Variants in ACTR3B observed in about 807,000 individuals in gnomAD.
ACTR3B encodes actin related protein 3B.
A neutral mutation model predicts 59.0 loss-of-function variants in ACTR3B; 8 were observed. The observed-to-expected ratio is 0.14, with a 90% CI of 0.08 to 0.24. ACTR3B has a LOEUF of 0.24. Ranked by LOEUF, ACTR3B falls within the 10% of genes least tolerant of loss-of-function variation. The pLI is 1.00. For synonymous variants in ACTR3B, 148 were observed against 197.9 expected, an observed-to-expected ratio of 0.75 and a Z score of 2.12; for missense variants, 245 against 552.3, an observed-to-expected ratio of 0.44 and a Z score of 5.58.
intron 2 of ACTR3B, among the ~76,000 whole-genome samples, chr7:152,793,138 G>T (rs1368523462): frequency 1.6e-5 from 2 of 127,898 alleles, no homozygotes; most frequent in Non-Finnish European, 3.3e-5. Flanking sequence ...GGTTTGTTCA[G>T]TATTGAATCT....
intron 9 of ACTR3B, among the ~76,000 whole-genome samples, chr7:152,830,037 G>C (rs1385124337): frequency 3.9e-5 from 6 of 152,230 alleles, no homozygotes; most frequent in Non-Finnish European, 7.3e-5. Context: ...ACCACTACAA[G>C]CTAAATGTCA....
At chr7:152,828,474 T>TGTAA (rs1796757992) in intron 9 of ACTR3B, among the ~76,000 whole-genome samples, 1 of 152,172 alleles carries the variant, frequency 6.6e-6, no homozygotes, top group South Asian at 2.1e-4. Context: ...CGCTCCCTTC[T>TGTAA]GTAACTCCTG....
At chr7:152,774,960 A>C (rs4726203) in intron 1 of ACTR3B, among the ~76,000 whole-genome samples, 75,397 of 149,622 alleles carry the variant, frequency 0.5, 19,565 homozygotes, top group Non-Finnish European at 0.55. Context: ...TAGAGCTATT[A>C]TGATTGAAGT....
chr7:152,763,142 C>G (rs1426862510), intron 1 of ACTR3B, among the ~76,000 whole-genome samples: 3 of 151,484 alleles, frequency 2.0e-5, no homozygotes, highest in Non-Finnish European at 4.4e-5. Flanking sequence ...ATGGTGAAAC[C>G]CCGTCTCTAC....
At chr7:152,836,265 A>G (rs1005000986) in intron 9 of ACTR3B, among the ~76,000 whole-genome samples, 1 of 152,196 alleles carries the variant, frequency 6.6e-6, no homozygotes, top group African/African-American at 2.4e-5. Flanking sequence ...TTAAACTGCG[A>G]AAGTAAACAA....
chr7:152,841,856 C>T (rs1241538021), intron 9 of ACTR3B, among the ~76,000 whole-genome samples: 1 of 152,174 alleles, frequency 6.6e-6, no homozygotes, highest in African/African-American at 2.4e-5. Flanking sequence ...CTTGCCATCA[C>T]TTGGTATTAT....
rs1453801218 is a variant in ACTR3B, at chr7:152,788,702, C to T, written c.100+5460C>T. Among the ~76,000 whole-genome samples the T allele has an allele frequency of 5.3e-5, 8 of 152,144 alleles. No homozygotes were observed. In the East Asian group the frequency reaches 9.8e-4, roughly 19 times the overall value. On this transcript the variant is annotated intron_variant, in intron 2 of 11. Coordinates refer to ENST00000256001, the MANE Select transcript of ACTR3B (RefSeq NM_020445.6). ...CTGGGATTACAGGAGTGAGCCACTGCGCCTGGCCTTAAAGTATTCTTTAAA... is the reference window on the plus strand; with the variant it reads ...CTGGGATTACAGGAGTGAGCCACTGTGCCTGGCCTTAAAGTATTCTTTAAA...
intron 7 of ACTR3B, among the ~76,000 whole-genome samples, chr7:152,822,368 G>T (rs1482090971): frequency 6.6e-6 from 1 of 152,336 alleles, no homozygotes; most frequent in Admixed American, 6.5e-5. Flanking sequence ...GTCACCTGCT[G>T]CTATGCGGAG....
chr7:152,815,839 T>C (rs1242742627), intron 5 of ACTR3B, among the ~76,000 whole-genome samples: 1 of 152,246 alleles, frequency 6.6e-6, no homozygotes, highest in Non-Finnish European at 1.5e-5. Context: ...TGCCAATCTG[T>C]GGCCCCACGC....
chr7:152,802,991 G>A (rs898083865), intron 4 of ACTR3B, among the ~76,000 whole-genome samples: 1 of 152,206 alleles, frequency 6.6e-6, no homozygotes, highest in African/African-American at 2.4e-5. Flanking sequence ...CATTTCACAG[G>A]CCACTCTGTT....
chr7:152,795,031 A>ACT (rs61693626), intron 2 of ACTR3B, among the ~76,000 whole-genome samples: 74,452 of 141,072 alleles, frequency 0.53, 21,311 homozygotes, highest in East Asian at 0.71. Flanking sequence ...CTTCAGTTTC[A>ACT]CTCTCTTTTT....
intron 9 of ACTR3B, among the ~76,000 whole-genome samples, chr7:152,851,750 T>C (rs188346074): frequency 4.6e-5 from 7 of 152,196 alleles, no homozygotes; most frequent in African/African-American, 1.4e-4. Flanking sequence ...TTTCCCCCAG[T>C]GATGGTTAAG....
intron 2 of ACTR3B, among the ~76,000 whole-genome samples, chr7:152,788,081 C>A (rs796749329): frequency 1.9e-5 from 2 of 106,524 alleles, no homozygotes; most frequent in Non-Finnish European, 3.7e-5. Context: ...CCCACCACCA[C>A]GTCCAGCTAA....
chr7:152,814,320 G>T lies in ACTR3B; in HGVS notation c.337-230G>T, dbSNP rs547706670. 545 of 436,138 alleles carry T rather than the reference G, an allele frequency of 1.2e-3. 3 individuals are homozygous for T. Among genetic ancestry groups the T allele is most frequent in the Non-Finnish European group, 1.8e-3 (437 of 249,184 alleles). 27.0% of individuals were successfully genotyped at this position (436,138 alleles called of 1,614,324 possible). On this transcript the variant is annotated intron_variant, in intron 4 of 11. Coordinates refer to ENST00000256001, the MANE Select transcript of ACTR3B (RefSeq NM_020445.6). ...CTTTTTCTGTAACTTGTTCTAATTT[G>T]GGTGGGTAATAAGAACAGAGGCCTT...
At position 152,799,122 on chromosome 7, in the gene ACTR3B, A is replaced by G. The variant is rs544673886; in HGVS notation, c.101-1409A>G. Among the ~76,000 whole-genome samples, 37 of 152,356 alleles carry G rather than the reference A, an allele frequency of 2.4e-4. No homozygotes were observed. In the South Asian group the frequency reaches 5.8e-3, roughly 24 times the overall value. On this transcript the variant is annotated intron_variant, in intron 2 of 11. Coordinates refer to ENST00000256001, the MANE Select transcript of ACTR3B (RefSeq NM_020445.6). ...ATTTTGATTCAGAGAAATTTTATCT[A>G]GCATTTACATTTGTATAGCTACAGA...
intron 2 of ACTR3B, among the ~76,000 whole-genome samples, chr7:152,785,376 T>TGAGA (rs1232317531): frequency 3.8e-4 from 2 of 5,326 alleles, no homozygotes; most frequent in African/African-American, 2.4e-3. Context: ...GAGTTTGTTG[T>TGAGA]GAGGGGGGGG....
chr7:152,764,314 T>C (rs1396963962), intron 1 of ACTR3B, among the ~76,000 whole-genome samples: 5 of 152,096 alleles, frequency 3.3e-5, no homozygotes, highest in Non-Finnish European at 7.4e-5. Flanking sequence ...GCCTTCCATG[T>C]TCTTTAGACA....
chr7:152,759,757 G>A lies in ACTR3B; in HGVS notation c.-126G>A, dbSNP rs2098082844. 1 of 719,570 alleles carries A rather than the reference G, an allele frequency of 1.4e-6. No individual in the cohort carries two copies. The highest frequency in any genetic ancestry group is 6.2e-5 in the South Asian group (1 of 16,250). 44.6% of individuals were successfully genotyped at this position (719,570 alleles called of 1,614,324 possible). ...TCACGTGTCGGCCGCCGAGCATCCG[G>A]GCTCCCGGCAGCGGCGCTGCGGCGG... On this transcript the variant is annotated 5_prime_UTR_variant, in exon 1 of 12. Transcript: ENST00000256001.
chr7:152,811,780 C>T (rs1308148881), intron 4 of ACTR3B: 1 of 151,566 alleles, frequency 6.6e-6, no homozygotes, highest in East Asian at 2.0e-4. Flanking sequence ...CTCTCCACCA[C>T]CTGCTTTTGA....
Sources: allele counts gnomAD v4.1 joint callset (sites outside exome capture counted in the v4.1 genomes callset), GRCh38; gene constraint gnomAD v4.1.1; transcripts MANE v1.5; gene names NCBI Gene and HGNC (gene_info 2026-07-23, HGNC 2026-07-21).